LPA: variants seen among roughly 807,000 people sequenced by gnomAD.
The protein encoded by LPA is apolipoprotein(a).
LPA carries 199 observed loss-of-function variants against 197.9 expected under a neutral mutation model. The ratio of observed to expected loss-of-function variants is 1.01; its 90% confidence interval spans 0.90 to 1.13. The LOEUF is 1.13. LPA is among the 50% of genes most tolerant of loss of function. The pLI is 0.00. For synonymous variants in LPA, 715 were observed against 639.5 expected, an observed-to-expected ratio of 1.12 and a Z score of -1.78; for missense variants, 1,853 against 1,785.8, an observed-to-expected ratio of 1.04 and a Z score of -0.68.
intron 1 of LPA, among the ~76,000 whole-genome samples, chr6:160,663,704 G>T (rs557211132): frequency 6.6e-6 from 1 of 152,230 alleles, no homozygotes; most frequent in Non-Finnish European, 1.5e-5. Context: ...ATAACAAAGA[G>T]AGAAATGCTG....
chr6:160,547,876 C>A lies in LPA; in HGVS notation c.5217G>T (p.Thr1739=), dbSNP rs369164239. 1.2e-6 allele frequency: 2 copies of A among 1,614,070 alleles called. No homozygotes were observed. Among genetic ancestry groups the A allele is most frequent in the Non-Finnish European group, 1.7e-6 (2 of 1,180,012 alleles). The change falls in exon 32 of 39, where the codon ACG becomes ACT. Residue 1739 remains threonine, a synonymous_variant. Coordinates refer to ENST00000316300, the MANE Select transcript of LPA (RefSeq NM_005577.4). ...CCTGGGCAGCCCATTCCTGGCATGG[C>A]GTCCCAGTAACAGTGGTTGCCTTCT... The part of the protein sequence containing the change: ...RGKKATTVTG[T]PCQEWAAQEP...
chr6:160,565,073 C>T (rs1412616011), intron 28 of LPA, among the ~76,000 whole-genome samples: 1 of 152,222 alleles, frequency 6.6e-6, no homozygotes, highest in Non-Finnish European at 1.5e-5. Context: ...ACCTGCCTGC[C>T]TCTGTAGACT....
chr6:160,532,645 G>A lies in LPA; in HGVS notation c.5847C>T (p.Thr1949=). 1 of 1,588,890 alleles carries A rather than the reference G, an allele frequency of 6.3e-7. No homozygotes were observed. Among genetic ancestry groups the A allele is most frequent in the African/African-American group, 1.3e-5 (1 of 74,480 alleles). ...CTTCCTTGAGAAGGCCAGTCCCAAA[G>A]GTACCTGTGTTTAAAAAGATGAAAG... is the stretch of plus-strand genomic sequence containing the variant. The part of the protein sequence containing the change: ...YITGWGETQG[T]FGTGLLKEAQ... The change falls in exon 38 of 39, where the codon ACC becomes ACT. Residue 1949 remains threonine (T), a synonymous_variant. Transcript: ENST00000316300.
chr6:160,609,558 G>C (rs1313978473), intron 16 of LPA, among the ~76,000 whole-genome samples: 1 of 151,826 alleles, frequency 6.6e-6, no homozygotes, highest in Non-Finnish European at 1.5e-5. Flanking sequence ...GATCCCTTTA[G>C]TTTCATGAAT....
chr6:160,542,860 G>C (rs1467876260), intron 33 of LPA, 52 bp from the exon 34 acceptor site: 1 of 1,612,108 alleles, frequency 6.2e-7, no homozygotes, highest in African/African-American at 1.3e-5. Flanking sequence ...GTTAGCAATT[G>C]TGTCGTTTAA....
chr6:160,615,350 GTT>G (rs1779575104), intron 14 of LPA, among the ~76,000 whole-genome samples: 1 of 131,994 alleles, frequency 7.6e-6, no homozygotes, highest in Non-Finnish European at 1.6e-5. Context: ...TGTGTTTTCA[GTT>G]TGTGTGTGTG....
At chr6:160,652,123 A>G (rs1293514565) in intron 1 of LPA, among the ~76,000 whole-genome samples, 3 of 138,758 alleles carry the variant, frequency 2.2e-5, no homozygotes, top group Non-Finnish European at 4.6e-5. Flanking sequence ...GAGAGAAGTG[A>G]AAAAAAAAAC....
rs529693540 is a variant in LPA, at chr6:160,546,680, G to C, written c.5304+1109C>G. On this transcript the variant is annotated intron_variant, in intron 32 of 38. Coordinates refer to ENST00000316300, the MANE Select transcript of LPA (RefSeq NM_005577.4). ...GGATCTGACACTGTCTCCAGATAGA[G>C]TGTCAGGACCGAGTTACATTGTAGG... Among the ~76,000 whole-genome samples, 34 of 152,284 alleles carry C rather than the reference G, an allele frequency of 2.2e-4. No homozygotes were observed. In the South Asian group the frequency reaches 7.0e-3, roughly 32 times the overall value.
chr6:160,611,433 T>A, intron 16 of LPA, 129 bp downstream of exon 16: 6 of 1,508,926 alleles, frequency 4.0e-6, no homozygotes, highest in East Asian at 4.5e-5. Context: ...GAAATCATCC[T>A]GAGACATTTT....
At chr6:160,541,794 G>A (rs895580440) in intron 34 of LPA, among the ~76,000 whole-genome samples, 13 of 152,216 alleles carry the variant, frequency 8.5e-5, no homozygotes, top group African/African-American at 2.9e-4. Context: ...GATAGTCAGT[G>A]AGGACATAGA....
intron 21 of LPA, among the ~76,000 whole-genome samples, chr6:160,594,797 AG>A (rs1483013826): frequency 6.6e-6 from 1 of 152,202 alleles, no homozygotes; most frequent in Non-Finnish European, 1.5e-5. Context: ...CTCCCATCAA[AG>A]CCTAGTTGTG....
chr6:160,649,075 A>ACATCAT (rs1779957844), intron 2 of LPA, among the ~76,000 whole-genome samples: 1 of 152,140 alleles, frequency 6.6e-6, no homozygotes, highest in Admixed American at 6.6e-5. Context: ...ATTGACTTGG[A>ACATCAT]CATCATTCTG....
At chr6:160,587,459 G>C (rs1475421518) in intron 24 of LPA, among the ~76,000 whole-genome samples, 1 of 152,088 alleles carries the variant, frequency 6.6e-6, no homozygotes, top group African/African-American at 2.4e-5. Flanking sequence ...GTTGTTCATA[G>C]GAACCCCCTT....
rs561120476 is a variant in LPA, at chr6:160,532,663, G to T, written c.5843-14C>A. On this transcript the variant is annotated splice_polypyrimidine_tract_variant and intron_variant, in intron 37 of 38. Transcript: ENST00000316300. Reference sequence around the variant, plus strand: ...TCCCAAAGGTACCTGTGTTTAAAAAGATGAAAGAAATGGTTACTGAGGCCA... The same window carrying T: ...TCCCAAAGGTACCTGTGTTTAAAAATATGAAAGAAATGGTTACTGAGGCCA... The T allele has an allele frequency of 6.5e-6, 10 of 1,540,704 alleles. No individual in the cohort carries two copies. In the South Asian group the frequency reaches 1.1e-4, roughly 17 times the overall value.
Position 160,577,277 on chromosome 6 carries a change from G to A in LPA, c.4490C>T (p.Pro1497Leu), listed in dbSNP as rs1562328496. 6.2e-7 allele frequency: 1 copy of A among 1,613,664 alleles called. No homozygotes were observed. The highest frequency in any genetic ancestry group is 8.5e-7 in the Non-Finnish European group (1 of 1,179,780). The change falls in exon 28 of 39, where the codon CCT (proline) becomes CTT (leucine). Residue 1497 changes from proline (P) to leucine (L), a missense_variant. Coordinates refer to ENST00000316300, the MANE Select transcript of LPA (RefSeq NM_005577.4). ...ACCATGGTAGCAATCCTGGACCACA[G>A]GGCTTTTCTCAGGTGGTGCTGAAAT... ...PSEQAPPEKS[P>L]VVQDCYHGDG...
At position 160,591,104 on chromosome 6, in the gene LPA, GC is replaced by G. The variant is rs1779021688; in HGVS notation, c.3630-4del. 6.2e-7 allele frequency: 1 copy of G among 1,613,190 alleles called. No homozygotes were observed. The highest frequency in any genetic ancestry group is 8.5e-7 in the Non-Finnish European group (1 of 1,179,832). On this transcript the variant is annotated splice_polypyrimidine_tract_variant and splice_region_variant and intron_variant, in intron 22 of 38. Coordinates refer to ENST00000316300, the MANE Select transcript of LPA (RefSeq NM_005577.4). ...TGCAGTAGTTCCTGGTCAGGCCACT[GC>G]AAATTACAAAACAATACAGTTCACC...
intron 26 of LPA, among the ~76,000 whole-genome samples, chr6:160,584,218 CTTCTTCTTCTTCTTCTTCT>C (rs1778855923): frequency 1.2e-4 from 15 of 121,430 alleles, no homozygotes; most frequent in African/African-American, 2.4e-4. Context: ...TCTTCTTCTT[CTTCTTCTTCTTCTTCTTCT>C]TCCTCCTCCT....
chr6:160,573,346 T>TC (rs1210429222), intron 28 of LPA, among the ~76,000 whole-genome samples: 2 of 138,392 alleles, frequency 1.4e-5, no homozygotes, highest in Non-Finnish European at 3.1e-5. Flanking sequence ...TTCTTATACC[T>TC]TTTTTTTTTT....
At chr6:160,551,502 T>C (rs1778165936) in intron 30 of LPA, among the ~76,000 whole-genome samples, 1 of 152,238 alleles carries the variant, frequency 6.6e-6, no homozygotes, top group South Asian at 2.1e-4. Context: ...TTTATTTTCT[T>C]AACAATGACT....
Sources: gnomAD v4.1 joint callset for allele counts (sites outside exome capture counted in the v4.1 genomes callset) on GRCh38, gnomAD v4.1.1 for gene constraint, MANE v1.5 for transcripts, NCBI Gene and HGNC (gene_info 2026-07-23, HGNC 2026-07-21) for gene names.